Variants in SLX4IP observed in about 807,000 individuals in gnomAD.
The protein encoded by SLX4IP is SLX4 interacting protein, also known as protein SLX4IP.
SLX4IP carries 34 observed loss-of-function variants against 32.9 expected under a neutral mutation model. The ratio of observed to expected loss-of-function variants is 1.03; its 90% confidence interval spans 0.79 to 1.38. SLX4IP has a LOEUF of 1.38. Ranked by LOEUF, SLX4IP falls within the 40% of genes most tolerant of loss-of-function variation. SLX4IP has a pLI of 0.00. For missense variants in SLX4IP, 444 were observed against 479.0 expected (o/e 0.93, Z 0.68); for synonymous variants, 172 against 171.7 (o/e 1.00, Z -0.01).
At chr20:10,444,888 C>T (rs2065188758) in intron 1 of SLX4IP, among the ~76,000 whole-genome samples, 1 of 151,998 alleles carries the variant, frequency 6.6e-6, no homozygotes, top group African/African-American at 2.4e-5. Flanking sequence ...TGGGGGGATA[C>T]CAACATGTAG....
At position 10,503,507 on chromosome 20, in the gene SLX4IP, A is replaced by G. The variant is rs150446275; in HGVS notation, c.27+45276A>G. 2.8e-3 allele frequency among the ~76,000 whole-genome samples: 423 copies of G among 152,314 alleles called. 1 individual carries two copies. The highest frequency in any genetic ancestry group is 9.5e-3 in the African/African-American group (394 of 41,572). ...TGGGAGGATTTGATGTGTGTGCCCT[A>G]TGCTTTTGCAAGCAGCTTTGCTTTC... On this transcript the variant is annotated intron_variant, in intron 2 of 7. Coordinates refer to ENST00000334534, the MANE Select transcript of SLX4IP (RefSeq NM_001009608.3).
chr20:10,550,325 G>A (rs2122489990), intron 2 of SLX4IP, among the ~76,000 whole-genome samples: 1 of 152,258 alleles, frequency 6.6e-6, no homozygotes, highest in African/African-American at 2.4e-5. Flanking sequence ...GACGATTTGT[G>A]TGGCTTCTCA....
At chr20:10,555,662 G>A (rs777153393) in intron 2 of SLX4IP, among the ~76,000 whole-genome samples, 2 of 152,158 alleles carry the variant, frequency 1.3e-5, no homozygotes, top group African/African-American at 2.4e-5. Context: ...CAGTTTTGTA[G>A]CATACTTTAA....
At chr20:10,552,111 T>A (rs2066223802) in intron 2 of SLX4IP, among the ~76,000 whole-genome samples, 1 of 152,182 alleles carries the variant, frequency 6.6e-6, no homozygotes, top group African/African-American at 2.4e-5. Flanking sequence ...GTTGGCTGAA[T>A]CCTCTGGGTG....
At chr20:10,552,525 G>A (rs956792944) in intron 2 of SLX4IP, among the ~76,000 whole-genome samples, 3 of 151,966 alleles carry the variant, frequency 2.0e-5, no homozygotes, top group Admixed American at 6.6e-5. Context: ...AGAGAGCTCA[G>A]AACTGCAGGC....
At chr20:10,614,734 T>C (rs1467301432) in intron 6 of SLX4IP, among the ~76,000 whole-genome samples, 2 of 152,144 alleles carry the variant, frequency 1.3e-5, no homozygotes, top group African/African-American at 4.8e-5. Context: ...GGGCGTGGTG[T>C]TAATATCTGC....
intron 2 of SLX4IP, among the ~76,000 whole-genome samples, chr20:10,555,068 A>T (rs1003129342): frequency 6.6e-6 from 1 of 151,960 alleles, no homozygotes; most frequent in Non-Finnish European, 1.5e-5. Context: ...TAGGTGTGTG[A>T]TCCATCTCAA....
intron 6 of SLX4IP, among the ~76,000 whole-genome samples, chr20:10,616,716 T>G (rs2067037391): frequency 6.6e-6 from 1 of 152,312 alleles, no homozygotes; most frequent in East Asian, 1.9e-4. Context: ...CAGGTCTCAG[T>G]GTAAAGCCCA....
chr20:10,562,129 G>T (rs569806459), intron 4 of SLX4IP, among the ~76,000 whole-genome samples: 1 of 152,270 alleles, frequency 6.6e-6, no homozygotes, highest in Admixed American at 6.5e-5. Flanking sequence ...TTTCAGTTTA[G>T]CCGTCTGCAG....
intron 2 of SLX4IP, among the ~76,000 whole-genome samples, chr20:10,505,352 G>A (rs2065750404): frequency 6.6e-6 from 1 of 152,210 alleles, no homozygotes. Context: ...TGGACAGGGT[G>A]GAGCCCCTGC....
intron 2 of SLX4IP, among the ~76,000 whole-genome samples, chr20:10,530,378 C>T (rs1425188751): frequency 1.3e-5 from 2 of 152,120 alleles, no homozygotes; most frequent in African/African-American, 2.4e-5. Context: ...TGGTGTTTTG[C>T]GGCTTTCAGC....
At chr20:10,477,176 T>A (rs1338684684) in intron 2 of SLX4IP, among the ~76,000 whole-genome samples, 2 of 152,132 alleles carry the variant, frequency 1.3e-5, no homozygotes, top group African/African-American at 4.8e-5. Context: ...TTCTCTTTTT[T>A]TTTTGAGACG....
chr20:10,598,211 T>G (rs1464259797), intron 4 of SLX4IP, among the ~76,000 whole-genome samples: 1 of 152,210 alleles, frequency 6.6e-6, no homozygotes, highest in East Asian at 1.9e-4. Context: ...GGCAAGATAG[T>G]AATGTTCACC....
At chr20:10,567,084 A>C (rs969634289) in intron 4 of SLX4IP, among the ~76,000 whole-genome samples, 1 of 152,148 alleles carries the variant, frequency 6.6e-6, no homozygotes, top group Non-Finnish European at 1.5e-5. Context: ...GGGTAGGTTA[A>C]GTCTGTGTTG....
intron 1 of SLX4IP, among the ~76,000 whole-genome samples, chr20:10,441,116 C>G (rs2065156590): frequency 6.6e-6 from 1 of 152,138 alleles, no homozygotes; most frequent in Non-Finnish European, 1.5e-5. Flanking sequence ...GTGCCTATGT[C>G]TGTTTCTGAC....
chr20:10,614,596 C>A (rs1017650038), intron 6 of SLX4IP, among the ~76,000 whole-genome samples: 5 of 152,174 alleles, frequency 3.3e-5, no homozygotes, highest in African/African-American at 4.8e-5. Flanking sequence ...AGCCTTCAGC[C>A]AGTTGCTGGA....
rs186987170 is a variant in SLX4IP at position 10,568,815 on chromosome 20, G to A, written c.238+7995G>A. On this transcript the variant is annotated intron_variant, in intron 4 of 7. Coordinates refer to ENST00000334534, the MANE Select transcript of SLX4IP (RefSeq NM_001009608.3). ...TCCCAAGGATACACTCAGCAACTGG[G>A]AAGACAACTGCAGATTTTTACAGTC... 1.6e-4 allele frequency among the ~76,000 whole-genome samples: 25 copies of A among 152,312 alleles called. No homozygotes were observed. The East Asian group carries it at 4.6e-3, about 28-fold the overall frequency.
intron 2 of SLX4IP, among the ~76,000 whole-genome samples, chr20:10,551,139 C>T (rs1191730887): frequency 2.0e-5 from 3 of 152,190 alleles, no homozygotes; most frequent in African/African-American, 7.2e-5. Flanking sequence ...ACAAGACCTC[C>T]CACCTCCGAG....
At chr20:10,591,865 T>C (rs2066713382) in intron 4 of SLX4IP, among the ~76,000 whole-genome samples, 1 of 152,238 alleles carries the variant, frequency 6.6e-6, no homozygotes, top group African/African-American at 2.4e-5. Context: ...CTAATTTTTG[T>C]CTGCTCTGAA....
Sources: allele counts gnomAD v4.1 joint callset (sites outside exome capture counted in the v4.1 genomes callset), GRCh38; gene constraint gnomAD v4.1.1; transcripts MANE v1.5; gene names NCBI Gene and HGNC (gene_info 2026-07-23, HGNC 2026-07-21).